Variants in DTWD2 observed in about 807,000 individuals in gnomAD.
DTWD2 encodes the protein DTW motif tRNA-uridine aminocarboxypropyltransferase 2, also known as tRNA-uridine aminocarboxypropyltransferase 2.
A neutral mutation model predicts 31.8 loss-of-function variants in DTWD2; 39 were observed. That is an observed-to-expected ratio of 1.22 (90% CI 0.95 to 1.60). The LOEUF (loss-of-function observed/expected upper bound fraction) is 1.60. Among genes scored for constraint, DTWD2 ranks in the 40% most tolerant of loss-of-function variants. The probability of loss-of-function intolerance (pLI) is 0.00; values close to 1 mark genes in which losing one functional copy is unlikely to be tolerated. For missense variants in DTWD2, 515 were observed against 381.5 expected, an observed-to-expected ratio of 1.35 and a Z score of -2.92; for synonymous variants, 180 against 142.8, an observed-to-expected ratio of 1.26 and a Z score of -1.86.
chr5:118,978,097 T>C (rs1389264914), intron 1 of DTWD2, among the ~76,000 whole-genome samples: 1 of 146,002 alleles, frequency 6.8e-6, no homozygotes, highest in Non-Finnish European at 1.5e-5. Context: ...AAACAAGCAA[T>C]GGGGAAAGGA....
In DTWD2 at chr5:118,841,994, AG is replaced by A. The variant is rs530952501; in HGVS notation, c.727-908del. 4.7e-4 allele frequency among the ~76,000 whole-genome samples: 71 copies of A among 152,320 alleles called. 1 individual carries two copies. In the South Asian group the frequency reaches 0.015, roughly 31 times the overall value. The stretch of plus-strand genomic sequence containing the variant: ...TACGTGAAAATGTATTAACCCACAA[AG>A]AAAACCCCACATGAATTAACAAATG... On this transcript the variant is annotated intron_variant, in intron 5 of 5. Transcript: ENST00000510708.
At chr5:118,888,436 G>A (rs1422014016) in intron 4 of DTWD2, among the ~76,000 whole-genome samples, 1 of 152,120 alleles carries the variant, frequency 6.6e-6, no homozygotes. Flanking sequence ...TATCAATAGT[G>A]CACTGTTTTT....
At chr5:118,874,177 G>T (rs938379468) in intron 4 of DTWD2, among the ~76,000 whole-genome samples, 5 of 152,044 alleles carry the variant, frequency 3.3e-5, no homozygotes, top group Admixed American at 2.6e-4. Flanking sequence ...CATCAAACAA[G>T]ATAAAAGAAA....
intron 4 of DTWD2, among the ~76,000 whole-genome samples, chr5:118,917,920 G>A (rs993564821): frequency 1.3e-5 from 2 of 151,502 alleles, no homozygotes; most frequent in Non-Finnish European, 1.5e-5. Context: ...AGCCGAGATC[G>A]CACCACTGCA....
intron 4 of DTWD2, among the ~76,000 whole-genome samples, chr5:118,869,709 T>C (rs1012303227): frequency 2.0e-5 from 3 of 152,224 alleles, no homozygotes; most frequent in Non-Finnish European, 4.4e-5. Context: ...TCCAATATGT[T>C]AACATAGCCT....
At chr5:118,844,524 G>C (rs1041560356) in intron 5 of DTWD2, among the ~76,000 whole-genome samples, 4 of 152,140 alleles carry the variant, frequency 2.6e-5, no homozygotes, top group African/African-American at 9.7e-5. Flanking sequence ...TGCCTGTGTT[G>C]ACAACTGTGG....
Position 118,840,942 on chromosome 5 carries a change from A to C in DTWD2, c.872T>G (p.Leu291Trp), listed in dbSNP as rs1400359024. The C allele has an allele frequency of 4.3e-6, 7 of 1,613,672 alleles. No homozygotes were observed. The highest frequency in any genetic ancestry group is 5.9e-6 in the Non-Finnish European group (7 of 1,179,734). The change falls in exon 6 of 6, where the codon TTG becomes TGG. Residue 291 changes from leucine (L) to tryptophan (W), a missense_variant. Coordinates refer to ENST00000510708, the MANE Select transcript of DTWD2 (RefSeq NM_173666.4). ...KNKRKLRKME[L>W]LMNSVKI ...CTAAATTTTAACACTATTCATTAAC[A>C]ATTCCATTTTCCTGAGTTTGCGTTT...
chr5:118,870,941 T>A (rs1223318993), intron 4 of DTWD2, among the ~76,000 whole-genome samples: 1 of 149,180 alleles, frequency 6.7e-6, no homozygotes, highest in East Asian at 1.9e-4. Context: ...ACTTATATAA[T>A]ATATAATGTA....
intron 4 of DTWD2, among the ~76,000 whole-genome samples, chr5:118,865,081 A>C (rs1342148436): frequency 6.6e-6 from 1 of 152,110 alleles, no homozygotes; most frequent in Non-Finnish European, 1.5e-5. Context: ...TCTCATGACT[A>C]ATTATTTACT....
At chr5:118,867,407 C>T (rs1043946705) in intron 4 of DTWD2, among the ~76,000 whole-genome samples, 31 of 152,000 alleles carry the variant, frequency 2.0e-4, no homozygotes, top group Admixed American at 8.5e-4. Flanking sequence ...AACATCTGTT[C>T]TCTAATTAAT....
intron 1 of DTWD2, among the ~76,000 whole-genome samples, chr5:118,970,192 C>T (rs534876766): frequency 6.6e-5 from 10 of 152,236 alleles, no homozygotes; most frequent in African/African-American, 1.9e-4. Flanking sequence ...TTTGGGAGGC[C>T]GAGGCAGGCA....
intron 1 of DTWD2, among the ~76,000 whole-genome samples, chr5:118,947,640 C>A (rs867311175): frequency 6.6e-6 from 1 of 152,118 alleles, no homozygotes; most frequent in African/African-American, 2.4e-5. Flanking sequence ...TTGGAAAAGA[C>A]AGCATTCGAG....
intron 4 of DTWD2, among the ~76,000 whole-genome samples, chr5:118,887,565 A>T (rs539352727): frequency 7.9e-4 from 120 of 152,344 alleles, no homozygotes; most frequent in Non-Finnish European, 1.5e-3. Context: ...TGTATACAAA[A>T]GCATGGGTCT....
chr5:118,848,833 C>G (rs1751929175), intron 4 of DTWD2, among the ~76,000 whole-genome samples: 1 of 152,134 alleles, frequency 6.6e-6, no homozygotes, highest in Non-Finnish European at 1.5e-5. Flanking sequence ...ACACAGAAAA[C>G]TGAAACTGGA....
intron 1 of DTWD2, among the ~76,000 whole-genome samples, chr5:118,961,010 A>C (rs1036481293): frequency 6.6e-6 from 1 of 152,118 alleles, no homozygotes; most frequent in Admixed American, 6.5e-5. Context: ...TAATATGTAC[A>C]TAAAACCCCC....
intron 4 of DTWD2, among the ~76,000 whole-genome samples, chr5:118,925,314 A>G (rs1329375284): frequency 6.6e-6 from 1 of 152,228 alleles, no homozygotes; most frequent in Non-Finnish European, 1.5e-5. Flanking sequence ...CAAACTTAAA[A>G]GCAATAGTAT....
intron 4 of DTWD2, among the ~76,000 whole-genome samples, chr5:118,917,045 A>C (rs1000753701): frequency 1.3e-5 from 2 of 152,204 alleles, no homozygotes; most frequent in African/African-American, 4.8e-5. Flanking sequence ...AAGTATTTTA[A>C]ACTGACAAAA....
intron 1 of DTWD2, among the ~76,000 whole-genome samples, chr5:118,950,962 G>A (rs1479852352): frequency 5.3e-5 from 8 of 152,264 alleles, no homozygotes; most frequent in African/African-American, 1.9e-4. Flanking sequence ...GAATAAGACG[G>A]CCTTCTGGCC....
At chr5:118,852,904 T>C (rs189019685) in intron 4 of DTWD2, among the ~76,000 whole-genome samples, 3 of 152,106 alleles carry the variant, frequency 2.0e-5, no homozygotes, top group African/African-American at 4.8e-5. Context: ...TGAAATCATG[T>C]CCTTTGCAGC....
Sources: gnomAD v4.1 joint callset for allele counts (sites outside exome capture counted in the v4.1 genomes callset) on GRCh38, gnomAD v4.1.1 for gene constraint, MANE v1.5 for transcripts, NCBI Gene and HGNC (gene_info 2026-07-23, HGNC 2026-07-21) for gene names.